ODAD2: variants seen among roughly 807,000 people sequenced by gnomAD.
The protein encoded by ODAD2 is outer dynein arm-docking complex subunit 2.
Under a neutral mutation model 106.8 loss-of-function variants are expected in ODAD2, and 89 were observed. The observed-to-expected ratio is 0.83, with a 90% CI of 0.70 to 0.99. ODAD2 has a LOEUF of 0.99. ODAD2 is among the 50% of genes least tolerant of loss of function. The pLI, the probability that ODAD2 is intolerant of heterozygous loss-of-function variation, is 0.00. For missense variants in ODAD2, 1,168 were observed against 1,238.5 expected, an observed-to-expected ratio of 0.94 and a Z score of 0.85; for synonymous variants, 404 against 436.2, an observed-to-expected ratio of 0.93 and a Z score of 0.92.
At chr10:27,816,713 T>C (rs891846562) in intron 19 of ODAD2, among the ~76,000 whole-genome samples, 1 of 152,148 alleles carries the variant, frequency 6.6e-6, no homozygotes, top group Admixed American at 6.5e-5. Flanking sequence ...GGTATGACCA[T>C]GGGAATGTAG....
chr10:27,975,376 A>G (rs1298616204), intron 7 of ODAD2, among the ~76,000 whole-genome samples: 2 of 152,198 alleles, frequency 1.3e-5, no homozygotes, highest in Non-Finnish European at 2.9e-5. Flanking sequence ...AATTTAGTAA[A>G]TCTATAGTCC....
chr10:27,993,407 T>C (rs1375525372), intron 2 of ODAD2, among the ~76,000 whole-genome samples: 10 of 151,902 alleles, frequency 6.6e-5, no homozygotes, highest in South Asian at 2.1e-4. Context: ...TCTAACACTT[T>C]GGGAGGCTGA....
At chr10:27,840,845 A>C (rs1424272800) in intron 19 of ODAD2, among the ~76,000 whole-genome samples, 2 of 152,182 alleles carry the variant, frequency 1.3e-5, no homozygotes, top group African/African-American at 4.8e-5. Flanking sequence ...TTATGAAGTA[A>C]TTTATTGATT....
intron 10 of ODAD2, among the ~76,000 whole-genome samples, chr10:27,948,922 C>A (rs1474051038): frequency 6.7e-6 from 1 of 149,950 alleles, no homozygotes; most frequent in Non-Finnish European, 1.5e-5. Flanking sequence ...GAATGAAAGT[C>A]GCTCTCTTTC....
chr10:27,917,068 A>G (rs1293076734), intron 16 of ODAD2, among the ~76,000 whole-genome samples: 1 of 152,186 alleles, frequency 6.6e-6, no homozygotes, highest in East Asian at 1.9e-4. Flanking sequence ...GCATTGCATA[A>G]AACTACTGCA....
chr10:27,977,302 C>T (rs1321451941), intron 7 of ODAD2, among the ~76,000 whole-genome samples: 1 of 151,788 alleles, frequency 6.6e-6, no homozygotes, highest in Non-Finnish European at 1.5e-5. Context: ...CGGTGGCTCA[C>T]ACCTGTAATC....
intron 17 of ODAD2, among the ~76,000 whole-genome samples, chr10:27,880,013 G>A (rs181762448): frequency 2.6e-5 from 4 of 152,278 alleles, no homozygotes; most frequent in South Asian, 2.1e-4. Context: ...AGAGTGTAGC[G>A]GAATTCTTAT....
chr10:27,831,460 T>G (rs1184867202), intron 19 of ODAD2, among the ~76,000 whole-genome samples: 2 of 152,166 alleles, frequency 1.3e-5, no homozygotes, highest in African/African-American at 4.8e-5. Flanking sequence ...CTACTCAAAG[T>G]GCCTTATAAG....
At chr10:27,882,203 A>AAGAAAG (rs1428065290) in intron 17 of ODAD2, among the ~76,000 whole-genome samples, 4 of 151,310 alleles carry the variant, frequency 2.6e-5, no homozygotes, top group African/African-American at 4.9e-5. Flanking sequence ...GAAAGAAAGA[A>AAGAAAG]AGAAAGAAAG....
chr10:27,831,192 C>T (rs1447439904), intron 19 of ODAD2, among the ~76,000 whole-genome samples: 1 of 152,192 alleles, frequency 6.6e-6, no homozygotes, highest in African/African-American at 2.4e-5. Flanking sequence ...GCCTGCAACA[C>T]TGATGGACTC....
intron 12 of ODAD2, 77 bp downstream of exon 12, chr10:27,944,145 G>A (rs1846680822): frequency 7.9e-7 from 1 of 1,269,514 alleles, no homozygotes; most frequent in South Asian, 1.3e-5. Context: ...TTTCCAGCGT[G>A]GCCAGAAAGG....
intron 19 of ODAD2, among the ~76,000 whole-genome samples, chr10:27,851,756 T>C (rs1043371511): frequency 6.6e-6 from 1 of 152,160 alleles, no homozygotes; most frequent in Non-Finnish European, 1.5e-5. Context: ...GATGTAAACA[T>C]ATTTGAAGAA....
chr10:27,975,598 C>T (rs1849139517), intron 7 of ODAD2, among the ~76,000 whole-genome samples: 1 of 152,258 alleles, frequency 6.6e-6, no homozygotes, highest in East Asian at 1.9e-4. Flanking sequence ...AACAGACAAC[C>T]TGTATACTGT....
chr10:27,874,841 G>C (rs1841198851), intron 17 of ODAD2, among the ~76,000 whole-genome samples: 1 of 152,106 alleles, frequency 6.6e-6, no homozygotes, highest in Non-Finnish European at 1.5e-5. Context: ...TCTTGGAGTT[G>C]CTCTTTTCGA....
intron 12 of ODAD2, among the ~76,000 whole-genome samples, chr10:27,941,319 A>C (rs1267157251): frequency 9.0e-6 from 1 of 110,736 alleles, no homozygotes; most frequent in Non-Finnish European, 1.9e-5. Context: ...TCCTGTTTCC[A>C]CTGGAAAAAA....
intron 19 of ODAD2, among the ~76,000 whole-genome samples, chr10:27,814,421 T>C (rs1835969918): frequency 6.6e-6 from 1 of 152,212 alleles, no homozygotes; most frequent in African/African-American, 2.4e-5. Flanking sequence ...AGGTTGTATA[T>C]GAGAATATCT....
intron 10 of ODAD2, among the ~76,000 whole-genome samples, chr10:27,953,713 T>A (rs141744535): frequency 6.6e-6 from 1 of 152,160 alleles, no homozygotes; most frequent in South Asian, 2.1e-4. Flanking sequence ...TTTATGTATA[T>A]AAATTATATA....
At chr10:27,825,483 A>G (rs1836968231) in intron 19 of ODAD2, among the ~76,000 whole-genome samples, 1 of 152,232 alleles carries the variant, frequency 6.6e-6, no homozygotes, top group Non-Finnish European at 1.5e-5. Flanking sequence ...GACATGCCTA[A>G]TACTGAACTC....
At chr10:27,887,534 T>C (rs1344928845) in intron 17 of ODAD2, among the ~76,000 whole-genome samples, 1 of 152,020 alleles carries the variant, frequency 6.6e-6, no homozygotes, top group African/African-American at 2.4e-5. Context: ...CTCATTTTTC[T>C]CAAGTGTACA....
Sources: allele counts gnomAD v4.1 joint callset (sites outside exome capture counted in the v4.1 genomes callset), GRCh38; gene constraint gnomAD v4.1.1; transcripts MANE v1.5; gene names NCBI Gene and HGNC (gene_info 2026-07-23, HGNC 2026-07-21).